The following LRBA variants were observed in gnomAD, a reference collection of about 807,000 sequenced individuals.
LRBA encodes LPS responsive beige-like anchor protein.
A neutral mutation model predicts 330.0 loss-of-function variants in LRBA; 176 were observed. The observed-to-expected ratio is 0.53, with a 90% CI of 0.47 to 0.60. The LOEUF is 0.60. Ranked by LOEUF, LRBA falls within the 20% of genes least tolerant of loss-of-function variation. LRBA has a pLI of 0.00. For synonymous variants in LRBA, 1,230 were observed against 1,193.0 expected (o/e 1.03, Z -0.64); for missense variants, 3,259 against 3,444.8 (o/e 0.95, Z 1.35).
chr4:150,571,924 A>T (rs146972954), intron 40 of LRBA, among the ~76,000 whole-genome samples: 3 of 151,936 alleles, frequency 2.0e-5, no homozygotes, highest in East Asian at 1.9e-4. Flanking sequence ...GGTACGACCC[A>T]AACTCCCACT....
chr4:150,839,652 C>T (rs1306617773), intron 28 of LRBA, among the ~76,000 whole-genome samples: 2 of 152,196 alleles, frequency 1.3e-5, no homozygotes, highest in African/African-American at 2.4e-5. Context: ...AAACCAAACA[C>T]TGCATCTTCT....
chr4:150,393,661 CT>C (rs912546684), intron 47 of LRBA, among the ~76,000 whole-genome samples: 1 of 152,042 alleles, frequency 6.6e-6, no homozygotes, highest in Non-Finnish European at 1.5e-5. Context: ...ATTGTTTAAA[CT>C]TTTTGTAGAG....
chr4:150,722,999 A>T (rs1396586084), intron 36 of LRBA, among the ~76,000 whole-genome samples: 2 of 152,156 alleles, frequency 1.3e-5, no homozygotes, highest in Non-Finnish European at 1.5e-5. Context: ...TAGAGGGAGC[A>T]TGAGGACCAG....
In LRBA at chr4:150,573,060, A is replaced by G. The variant is rs141918562; in HGVS notation, c.6330+14988T>C. Among the ~76,000 whole-genome samples, 3 of 152,232 alleles carry G rather than the reference A, an allele frequency of 2.0e-5. No homozygotes were observed. In the East Asian group the frequency reaches 5.8e-4, roughly 29 times the overall value. On this transcript the variant is annotated intron_variant, in intron 40 of 56. Transcript: ENST00000651943. ...TTCTGCCTCCCTGCCCTCCTCATCAATTAGGCTTTGACTAGGCTTGCCTGT... is the reference window on the plus strand; with the variant it reads ...TTCTGCCTCCCTGCCCTCCTCATCAGTTAGGCTTTGACTAGGCTTGCCTGT...
At chr4:150,540,983 G>C (rs1216569716) in intron 40 of LRBA, among the ~76,000 whole-genome samples, 1 of 152,134 alleles carries the variant, frequency 6.6e-6, no homozygotes, top group Non-Finnish European at 1.5e-5. Flanking sequence ...TCAAAAAATG[G>C]TGGCTTTATC....
intron 37 of LRBA, among the ~76,000 whole-genome samples, chr4:150,613,885 G>A (rs901306860): frequency 2.0e-5 from 3 of 152,136 alleles, no homozygotes; most frequent in African/African-American, 7.2e-5. Context: ...CTCCTTACTT[G>A]GAGAGGAAGG....
chr4:150,930,127 C>T (rs1734322020), intron 2 of LRBA, among the ~76,000 whole-genome samples: 1 of 152,068 alleles, frequency 6.6e-6, no homozygotes, highest in South Asian at 2.1e-4. Context: ...CCAGCCTGGC[C>T]AACACGGTGA....
At chr4:150,474,157 G>A (rs972482239) in intron 42 of LRBA, among the ~76,000 whole-genome samples, 1 of 152,010 alleles carries the variant, frequency 6.6e-6, no homozygotes, top group African/African-American at 2.4e-5. Flanking sequence ...TTTTTGACTG[G>A]TATGTGGTAA....
At chr4:150,860,548 C>A (rs972659030) in intron 22 of LRBA, among the ~76,000 whole-genome samples, 1 of 152,112 alleles carries the variant, frequency 6.6e-6, no homozygotes, top group African/African-American at 2.4e-5. Flanking sequence ...AACATATAGG[C>A]CGGGCGCGGT....
At chr4:150,421,472 T>C (rs1748786145) in intron 46 of LRBA, among the ~76,000 whole-genome samples, 1 of 151,736 alleles carries the variant, frequency 6.6e-6, no homozygotes, top group Non-Finnish European at 1.5e-5. Context: ...CTCTTAATTA[T>C]TTGATTTAAA....
At chr4:150,972,368 C>T (rs2149588098) in intron 2 of LRBA, among the ~76,000 whole-genome samples, 1 of 152,038 alleles carries the variant, frequency 6.6e-6, no homozygotes, top group African/African-American at 2.4e-5. Context: ...AAATCCAAAA[C>T]TGTTAAAAAA....
chr4:150,402,381 TGAATAACTGATTAAGAAAGAAA>T (rs1299387490), intron 47 of LRBA, among the ~76,000 whole-genome samples: 6 of 151,676 alleles, frequency 4.0e-5, no homozygotes, highest in Admixed American at 3.3e-4. Context: ...ATAAAGTGAA[TGAATAACTGATTAAGAAAGAAA>T]GAAGCGGGGA....
intron 37 of LRBA, among the ~76,000 whole-genome samples, chr4:150,639,797 ATATATATATGTGTGTGTGTGTG>A (rs1561457631): frequency 0.017 from 78 of 4,686 alleles, 3 homozygotes; most frequent in Non-Finnish European, 0.024. Flanking sequence ...GTGTGTATAT[ATATATATATGTGTGTGTGTGTG>A]TATATATATA....
chr4:150,662,887 G>T lies in LRBA; in HGVS notation c.5921+20664C>A, dbSNP rs1467681143. Among the ~76,000 whole-genome samples, 3 of 152,118 alleles carry T rather than the reference G, an allele frequency of 2.0e-5. No individual in the cohort carries two copies. In the East Asian group the frequency reaches 5.8e-4, roughly 29 times the overall value. On this transcript the variant is annotated intron_variant, in intron 37 of 56. Coordinates refer to ENST00000651943, the MANE Select transcript of LRBA (RefSeq NM_001364905.1). ...CAAGAGAATCATTTGACCCCAGGAG[G>T]TCAAGACTGCTGTGAGCCAAGATTG...
intron 48 of LRBA, among the ~76,000 whole-genome samples, chr4:150,343,777 A>T (rs151240053): frequency 7.2e-5 from 11 of 152,252 alleles, no homozygotes; most frequent in African/African-American, 2.6e-4. Flanking sequence ...TTCTACACCT[A>T]TTCTCCTGAT....
chr4:150,335,502 T>TAC (rs1299304679), intron 48 of LRBA, among the ~76,000 whole-genome samples: 69 of 144,532 alleles, frequency 4.8e-4, no homozygotes, highest in South Asian at 1.7e-3. Context: ...TATATATATA[T>TAC]ACACACACAT....
In LRBA at chr4:151,014,424, T is replaced by C. The variant is rs1157085764; in HGVS notation, c.216+3A>G. 3 of 1,610,694 alleles carry C rather than the reference T, an allele frequency of 1.9e-6. No homozygotes were observed. Among genetic ancestry groups the C allele is most frequent in the Non-Finnish European group, 2.5e-6 (3 of 1,176,942 alleles). ...TATGCTTATAAAATATTCATGGACT[T>C]ACCAGGTTAAAGACAGTTTCTACAA... is the stretch of plus-strand genomic sequence containing the variant. On this transcript the variant is annotated splice_donor_region_variant and intron_variant, in intron 2 of 56. Coordinates refer to ENST00000651943, the MANE Select transcript of LRBA (RefSeq NM_001364905.1).
chr4:150,815,294 G>A (rs1355260007), intron 31 of LRBA, among the ~76,000 whole-genome samples: 1 of 149,062 alleles, frequency 6.7e-6, no homozygotes, highest in African/African-American at 2.5e-5. Flanking sequence ...TGGGGGTGGA[G>A]AAGCGGAAAT....
intron 37 of LRBA, among the ~76,000 whole-genome samples, chr4:150,641,533 C>T (rs1037211765): frequency 2.0e-5 from 3 of 152,112 alleles, no homozygotes; most frequent in Non-Finnish European, 4.4e-5. Flanking sequence ...GCATCTTTCA[C>T]ACAGTTAAAA....
Sources: allele counts gnomAD v4.1 joint callset (sites outside exome capture counted in the v4.1 genomes callset), GRCh38; gene constraint gnomAD v4.1.1; transcripts MANE v1.5; gene names NCBI Gene and HGNC (gene_info 2026-07-23, HGNC 2026-07-21).